Variants in OLA1 observed in about 807,000 individuals in gnomAD.
The protein encoded by OLA1 is obg-like ATPase 1.
A neutral mutation model predicts 48.4 loss-of-function variants in OLA1; 14 were observed. The observed-to-expected ratio is 0.29, with a 90% confidence interval of 0.19 to 0.45. OLA1 has a LOEUF of 0.45. Ranked by LOEUF, OLA1 falls within the 20% of genes least tolerant of loss-of-function variation. The probability of loss-of-function intolerance (pLI) is 1.00; values close to 1 mark genes in which losing one functional copy is unlikely to be tolerated. For missense variants in OLA1, 325 were observed against 467.1 expected (o/e 0.70, Z 2.80); for synonymous variants, 127 against 150.4 (o/e 0.84, Z 1.14).
chr2:174,174,044 A>C (rs1351489203), intron 4 of OLA1, among the ~76,000 whole-genome samples: 56 of 55,640 alleles, frequency 1.0e-3, no homozygotes, highest in African/African-American at 3.0e-3. Flanking sequence ...ACAAAAAAAA[A>C]AAAAAAAACA....
intron 2 of OLA1, among the ~76,000 whole-genome samples, chr2:174,230,193 AAAAG>A (rs1688696572): frequency 6.6e-6 from 1 of 152,140 alleles, no homozygotes. Context: ...AAAAAATGAA[AAAAG>A]AAATAAAATT....
At chr2:174,220,013 TC>T (rs1476910559) in intron 4 of OLA1, among the ~76,000 whole-genome samples, 2 of 152,018 alleles carry the variant, frequency 1.3e-5, no homozygotes, top group Non-Finnish European at 2.9e-5. Flanking sequence ...GCCTCTGTAA[TC>T]CCAGGTATTG....
chr2:174,238,876 A>C (rs1483410493), intron 2 of OLA1, among the ~76,000 whole-genome samples: 1 of 152,204 alleles, frequency 6.6e-6, no homozygotes, highest in Non-Finnish European at 1.5e-5. Flanking sequence ...CACTCAAAAA[A>C]TAAAGAGGAC....
At chr2:174,214,882 T>G (rs906052655) in intron 4 of OLA1, among the ~76,000 whole-genome samples, 2 of 151,950 alleles carry the variant, frequency 1.3e-5, no homozygotes, top group African/African-American at 4.8e-5. Flanking sequence ...AAACCCCGTC[T>G]CTACTAAAAA....
At chr2:174,191,969 T>C (rs1687787125) in intron 4 of OLA1, among the ~76,000 whole-genome samples, 1 of 152,180 alleles carries the variant, frequency 6.6e-6, no homozygotes, top group African/African-American at 2.4e-5. Context: ...AATATTCACA[T>C]TTAATATTAT....
intron 4 of OLA1, among the ~76,000 whole-genome samples, chr2:174,195,899 G>A (rs543042525): frequency 4.7e-4 from 71 of 152,070 alleles, no homozygotes; most frequent in African/African-American, 1.6e-3. Flanking sequence ...CATTAGTCCC[G>A]AAACATGTTC....
At chr2:174,238,804 T>C (rs1320260273) in intron 2 of OLA1, among the ~76,000 whole-genome samples, 1 of 152,128 alleles carries the variant, frequency 6.6e-6, no homozygotes, top group East Asian at 1.9e-4. Flanking sequence ...TAACATATTG[T>C]ACTGAAATAT....
At chr2:174,166,751 A>AGTAT (rs1160407680) in intron 4 of OLA1, among the ~76,000 whole-genome samples, 1 of 152,202 alleles carries the variant, frequency 6.6e-6, no homozygotes, top group East Asian at 1.9e-4. Flanking sequence ...TTATCTTTAA[A>AGTAT]GTATGGGGGC....
At chr2:174,205,377 G>T (rs1011047011) in intron 4 of OLA1, among the ~76,000 whole-genome samples, 1 of 152,006 alleles carries the variant, frequency 6.6e-6, no homozygotes, top group African/African-American at 2.4e-5. Flanking sequence ...AAATATACTT[G>T]AACATTGAGT....
In OLA1 at chr2:174,075,257, G is replaced by A. The variant is rs7274; in HGVS notation, c.*169C>T. The A allele has an allele frequency of 9.6e-3, 4,193 of 435,982 alleles. 4 individuals are homozygous for A. Among genetic ancestry groups the A allele is most frequent in the East Asian group, 0.028 (616 of 21,958 alleles). 27.0% of individuals were successfully genotyped at this position (435,982 alleles called of 1,614,324 possible). On this transcript the variant is annotated 3_prime_UTR_variant, in exon 11 of 11. Coordinates refer to ENST00000284719, the MANE Select transcript of OLA1 (RefSeq NM_013341.5). ...ATTTAGTGAACCTGCATTTCATGGG[G>A]GGGGGGGGGTACACAGTATTTTAAT...
intron 7 of OLA1, among the ~76,000 whole-genome samples, chr2:174,098,951 A>G (rs956318981): frequency 1.3e-5 from 2 of 150,900 alleles, no homozygotes; most frequent in Admixed American, 6.6e-5. Flanking sequence ...CTTCAAAGGC[A>G]TTTTTTTTTC....
At chr2:174,229,259 G>A in intron 3 of OLA1, 49 bp downstream of exon 3, 1 of 1,556,880 alleles carries the variant, frequency 6.4e-7, no homozygotes, top group Non-Finnish European at 8.8e-7. Context: ...TTAAACATCT[G>A]CCCAATCTAC....
rs1688609113 is a variant in OLA1, at chr2:174,225,961, G to A, written c.246-2801C>T. ...TGTAATCCCAGCACTTTGGGAGGCC[G>A]AGGCGGGCGGATCACGAGGTCAAGA... On this transcript the variant is annotated intron_variant, in intron 3 of 10. Coordinates refer to ENST00000284719, the MANE Select transcript of OLA1 (RefSeq NM_013341.5). Among the ~76,000 whole-genome samples the A allele has an allele frequency of 4.9e-5, 2 of 40,472 alleles. 1 individual carries two copies. The highest frequency in any genetic ancestry group is 1.1e-4 in the Non-Finnish European group (2 of 19,026). 26.6% of individuals were successfully genotyped at this position (40,472 alleles called of 152,430 possible).
At chr2:174,076,987 G>T (rs1345227044) in intron 10 of OLA1, among the ~76,000 whole-genome samples, 1 of 151,744 alleles carries the variant, frequency 6.6e-6, no homozygotes, top group Non-Finnish European at 1.5e-5. Flanking sequence ...TATATACTTT[G>T]TTACCACTCA....
intron 4 of OLA1, among the ~76,000 whole-genome samples, chr2:174,166,937 C>A (rs1302851441): frequency 2.0e-5 from 3 of 152,086 alleles, no homozygotes; most frequent in Non-Finnish European, 4.4e-5. Flanking sequence ...CCTATAACCC[C>A]CGTTTAGTTA....
chr2:174,236,969 A>G (rs1688866742), intron 2 of OLA1, among the ~76,000 whole-genome samples: 1 of 152,178 alleles, frequency 6.6e-6, no homozygotes, highest in Non-Finnish European at 1.5e-5. Context: ...TTGTACATTC[A>G]GGATACACTA....
At chr2:174,095,039 A>G (rs1323979043) in intron 7 of OLA1, among the ~76,000 whole-genome samples, 1 of 152,132 alleles carries the variant, frequency 6.6e-6, no homozygotes, top group Non-Finnish European at 1.5e-5. Flanking sequence ...CATTTTCTTT[A>G]TCCATTCACT....
At chr2:174,083,105 G>A (rs1281517062) in intron 7 of OLA1, among the ~76,000 whole-genome samples, 1 of 152,082 alleles carries the variant, frequency 6.6e-6, no homozygotes, top group Non-Finnish European at 1.5e-5. Context: ...CTGGAACTGA[G>A]TTTAGTGTGA....
intron 4 of OLA1, among the ~76,000 whole-genome samples, chr2:174,176,787 G>A (rs910680357): frequency 3.3e-5 from 5 of 152,072 alleles, no homozygotes; most frequent in South Asian, 2.1e-4. Flanking sequence ...ATGTTTCTGC[G>A]AAAACTTTAT....
Sources: allele counts gnomAD v4.1 joint callset (sites outside exome capture counted in the v4.1 genomes callset), GRCh38; gene constraint gnomAD v4.1.1; transcripts MANE v1.5; gene names NCBI Gene and HGNC (gene_info 2026-07-23, HGNC 2026-07-21).